Variants in NRXN3 observed in about 807,000 individuals in gnomAD.
The protein encoded by NRXN3 is neurexin 3.
In NRXN3, 32 loss-of-function variants were observed where a neutral mutation model predicts 137.6. That is an observed-to-expected ratio of 0.23 (90% confidence interval 0.18 to 0.31). NRXN3 has a LOEUF of 0.31. Among genes scored for constraint, NRXN3 ranks in the 10% least tolerant of loss-of-function variants. The pLI is 1.00. For synonymous variants in NRXN3, 798 were observed against 784.5 expected (o/e 1.02, Z -0.29); for missense variants, 1,574 against 2,062.5 (o/e 0.76, Z 4.59).
At position 79,740,234 on chromosome 14, in the gene NRXN3, G is replaced by GGCACTAA. The variant is rs1305879045; in HGVS notation, c.4014+42298_4014+42304dup. Reference sequence around the variant, plus strand: ...TTTCTTTTGCCACTGTCCTACTTTGGGCACTAATCTCTCTTCTGAAGTATA... The same window carrying GGCACTAA: ...TTTCTTTTGCCACTGTCCTACTTTGGGCACTAAGCACTAATCTCTCTTCTGAAGTATA... On this transcript the variant is annotated intron_variant, in intron 19 of 20. Transcript: ENST00000335750. Among the ~76,000 whole-genome samples, 3 of 151,772 alleles carry GGCACTAA rather than the reference G, an allele frequency of 2.0e-5. No individual in the cohort carries two copies. In the East Asian group the frequency reaches 5.8e-4, roughly 29 times the overall value.
At chr14:79,094,479 G>A (rs895426765) in intron 15 of NRXN3, among the ~76,000 whole-genome samples, 1 of 152,190 alleles carries the variant, frequency 6.6e-6, no homozygotes, top group African/African-American at 2.4e-5. Flanking sequence ...AATCACAATG[G>A]AATACATGCC....
chr14:79,480,852 A>G (rs892730010), intron 16 of NRXN3, among the ~76,000 whole-genome samples: 4 of 152,050 alleles, frequency 2.6e-5, no homozygotes, highest in African/African-American at 9.7e-5. Context: ...AAGATGTGCT[A>G]GCTTCCCCTT....
chr14:79,723,187 C>CTAGA, intron 19 of NRXN3, among the ~76,000 whole-genome samples: 1 of 152,016 alleles, frequency 6.6e-6, no homozygotes, highest in African/African-American at 2.4e-5. Flanking sequence ...GCCTTTATAG[C>CTAGA]TAGATATAGA....
intron 4 of NRXN3, among the ~76,000 whole-genome samples, chr14:78,504,672 C>A (rs948370383): frequency 6.6e-6 from 1 of 152,104 alleles, no homozygotes; most frequent in East Asian, 1.9e-4. Context: ...GTGATAAAAA[C>A]CCATTCATAG....
intron 15 of NRXN3, among the ~76,000 whole-genome samples, chr14:79,066,072 C>G (rs369687158): frequency 1.1e-4 from 16 of 152,226 alleles, no homozygotes; most frequent in Admixed American, 2.0e-4. Flanking sequence ...TTTGCCCACG[C>G]CTAATTCCTG....
At chr14:79,639,474 TG>T (rs1340167214) in intron 16 of NRXN3, among the ~76,000 whole-genome samples, 1 of 152,148 alleles carries the variant, frequency 6.6e-6, no homozygotes, top group East Asian at 1.9e-4. Flanking sequence ...AATGTGGCTT[TG>T]TTTTTTTTTT....
chr14:79,727,285 A>T (rs1380497388), intron 19 of NRXN3, among the ~76,000 whole-genome samples: 1 of 152,204 alleles, frequency 6.6e-6, no homozygotes, highest in Non-Finnish European at 1.5e-5. Flanking sequence ...GGTAAATTGC[A>T]GTTTGAATGA....
chr14:78,862,639 C>G (rs958585353), intron 10 of NRXN3, among the ~76,000 whole-genome samples: 2 of 152,024 alleles, frequency 1.3e-5, no homozygotes, highest in African/African-American at 4.8e-5. Context: ...TTTATCTGTT[C>G]AACAACCATT....
intron 19 of NRXN3, among the ~76,000 whole-genome samples, chr14:79,779,773 A>G (rs1161838067): frequency 6.6e-6 from 1 of 152,212 alleles, no homozygotes; most frequent in East Asian, 1.9e-4. Context: ...GTTGGTCAAG[A>G]GTAGACCAGA....
intron 15 of NRXN3, among the ~76,000 whole-genome samples, chr14:79,055,967 A>G (rs528180146): frequency 6.6e-6 from 1 of 152,314 alleles, no homozygotes; most frequent in Non-Finnish European, 1.5e-5. Flanking sequence ...TTTGTACCTT[A>G]TGGGTACTGA....
Position 79,861,479 on chromosome 14 carries a change from C to T in NRXN3, c.4231C>T (p.Arg1411Cys). Residue 1411 changes from arginine (R) to cysteine (C), a missense_variant, in exon 21 of 21, where the codon CGC (arginine) becomes TGC (cysteine). Arg to Cys is a radical substitution (Grantham distance 180). This residue lies in a region of NRXN3 where 320 missense variants were observed against 387.1 expected (regional missense o/e 0.83). Coordinates refer to ENST00000335750, the MANE Select transcript of NRXN3 (RefSeq NM_001330195.2). This position sits in a 1 kb window ranked among gnomAD's most constrained non-coding sequence, Gnocchi z 5.4. ...CACATCTTTATCCCCTGAGCTGATCCGCTTCACAGCTTCCTCCTCGTCTGG... is the reference window on the plus strand; with the variant it reads ...CACATCTTTATCCCCTGAGCTGATCTGCTTCACAGCTTCCTCCTCGTCTGG... Reference protein sequence around the residue: ...TTTSLSPELIRFTASSSSGMV... With the variant: ...TTTSLSPELICFTASSSSGMV... 1 of 1,537,652 alleles carries T rather than the reference C, an allele frequency of 6.5e-7. No homozygotes were observed. The highest frequency in any genetic ancestry group is 8.7e-7 in the Non-Finnish European group (1 of 1,147,098).
chr14:78,231,612 A>G (rs996441089), intron 1 of NRXN3: 1 of 151,966 alleles, frequency 6.6e-6, no homozygotes, highest in Non-Finnish European at 1.5e-5. Context: ...CCTTCTCCTC[A>G]TTGTCATTTT....
intron 1 of NRXN3, among the ~76,000 whole-genome samples, chr14:78,210,441 G>A (rs1192841337): frequency 1.3e-5 from 2 of 152,172 alleles, no homozygotes; most frequent in East Asian, 1.9e-4. Context: ...GGGGGAATGT[G>A]AGCATTCAGG....
intron 4 of NRXN3, among the ~76,000 whole-genome samples, chr14:78,509,354 G>A (rs1234473822): frequency 6.6e-6 from 1 of 152,102 alleles, no homozygotes; most frequent in Non-Finnish European, 1.5e-5. Flanking sequence ...TACTGGAAAG[G>A]TGTGTGAGAA....
intron 16 of NRXN3, among the ~76,000 whole-genome samples, chr14:79,475,381 T>C (rs1389582819): frequency 6.6e-6 from 1 of 152,138 alleles, no homozygotes; most frequent in African/African-American, 2.4e-5. Context: ...ATGACAGTTA[T>C]GTTTCAGAAT....
intron 16 of NRXN3, among the ~76,000 whole-genome samples, chr14:79,606,366 G>A (rs926840037): frequency 6.6e-6 from 1 of 152,230 alleles, no homozygotes; most frequent in Non-Finnish European, 1.5e-5. Context: ...AAGTGGCTGT[G>A]AGATTCACTG....
intron 2 of NRXN3, among the ~76,000 whole-genome samples, chr14:78,260,318 C>T (rs2070470027): frequency 6.6e-6 from 1 of 152,314 alleles, no homozygotes; most frequent in Admixed American, 6.5e-5. Context: ...AGAAGTCACA[C>T]ACAGGAGGTC....
At chr14:78,591,992 C>G (rs1465343844) in intron 4 of NRXN3, among the ~76,000 whole-genome samples, 1 of 152,152 alleles carries the variant, frequency 6.6e-6, no homozygotes, top group East Asian at 1.9e-4. Flanking sequence ...CTTCTGAACT[C>G]ATTTCTCTGA....
intron 15 of NRXN3, among the ~76,000 whole-genome samples, chr14:79,134,157 G>T (rs1381311639): frequency 6.6e-6 from 1 of 152,084 alleles, no homozygotes; most frequent in African/African-American, 2.4e-5. Flanking sequence ...AGTGTAAGTG[G>T]TACCTGTGGT....
Sources: allele counts gnomAD v4.1 joint callset (sites outside exome capture counted in the v4.1 genomes callset), GRCh38; gene constraint gnomAD v4.1.1; regional missense constraint gnomAD v4.1.1; non-coding constraint Gnocchi (gnomAD v3.1); transcripts MANE v1.5; gene names NCBI Gene and HGNC (gene_info 2026-07-23, HGNC 2026-07-21).